The following CEP126 variants were observed in gnomAD, a reference collection of about 807,000 sequenced individuals.
The protein encoded by CEP126 is centrosomal protein 126, also known as centrosomal protein of 126 kDa.
A neutral mutation model predicts 107.8 loss-of-function variants in CEP126; 74 were observed. That is an observed-to-expected ratio of 0.69 (90% confidence interval 0.57 to 0.83). CEP126 has a LOEUF of 0.83. CEP126 is among the 40% of genes least tolerant of loss of function. The probability of loss-of-function intolerance (pLI) is 0.00; values close to 1 mark genes in which losing one functional copy is unlikely to be tolerated. For missense variants in CEP126, 1,237 were observed against 1,281.9 expected, an observed-to-expected ratio of 0.96 and a Z score of 0.53; for synonymous variants, 449 against 446.0, an observed-to-expected ratio of 1.01 and a Z score of -0.08.
intron 2 of CEP126, among the ~76,000 whole-genome samples, chr11:101,927,489 A>C (rs11225069): frequency 0.056 from 8,491 of 152,222 alleles, 460 homozygotes; most frequent in East Asian, 0.26. Context: ...ATATGTTTAC[A>C]GTCAAGAAAT....
chr11:101,977,585 C>T lies in CEP126; in HGVS notation c.2846-762C>T, dbSNP rs1455526964. The stretch of plus-strand genomic sequence containing the variant: ...GGCAGAGGTTGCAGTGAGCCGAGAT[C>T]GCACCACTGCACTCCAGCCTGGGTG... On this transcript the variant is annotated intron_variant, in intron 6 of 10. Transcript: ENST00000263468. Among the ~76,000 whole-genome samples, 15 of 144,882 alleles carry T rather than the reference C, an allele frequency of 1.0e-4. 1 individual carries two copies. The highest frequency in any genetic ancestry group is 4.2e-4 in the Admixed American group (6 of 14,284).
At chr11:101,919,746 C>T (rs534019091) in intron 1 of CEP126, among the ~76,000 whole-genome samples, 4 of 152,182 alleles carry the variant, frequency 2.6e-5, no homozygotes, top group African/African-American at 9.6e-5. Context: ...ACAAACATTA[C>T]ATTTGTGATT....
rs1489398123 is a variant in CEP126 at position 102,000,808 on chromosome 11, A to C, written c.*3165A>C. ...AGGGCAACTAATAACTGGTCAGAAAAATTTAGACGGTCTTCATTTTAAAAT... is the reference window on the plus strand; with the variant it reads ...AGGGCAACTAATAACTGGTCAGAAACATTTAGACGGTCTTCATTTTAAAAT... On this transcript the variant is annotated 3_prime_UTR_variant, in exon 11 of 11. Transcript: ENST00000263468. 2 of 152,198 alleles carry C rather than the reference A, an allele frequency of 1.3e-5. No homozygotes were observed. Among genetic ancestry groups the C allele is most frequent in the African/African-American group, 4.8e-5 (2 of 41,444 alleles). The allele number at this position is 152,198 out of a possible 1,614,324, so 9.4% of individuals were successfully genotyped here.
intron 6 of CEP126, among the ~76,000 whole-genome samples, chr11:101,975,634 T>C (rs974838912): frequency 2.0e-5 from 3 of 152,184 alleles, no homozygotes; most frequent in African/African-American, 7.2e-5. Context: ...GTTTGTTATA[T>C]AGGTAAATTG....
rs570718189 is a variant in CEP126, at chr11:101,943,508, T to C, written c.249-757T>C. 1.1e-4 allele frequency among the ~76,000 whole-genome samples: 16 copies of C among 151,792 alleles called. 1 individual carries two copies. In the East Asian group the frequency reaches 2.3e-3, roughly 22 times the overall value. ...GATTTGTAGGCTTGCCTTTTCTTTT[T>C]TTTTTTTTCATTTTCCAGCAAATAA... is the stretch of plus-strand genomic sequence containing the variant. On this transcript the variant is annotated intron_variant, in intron 2 of 10. Transcript: ENST00000263468.
Position 101,963,747 on chromosome 11 carries a change from A to T in CEP126, c.2712A>T (p.Thr904=). 3 of 1,614,140 alleles carry T rather than the reference A, an allele frequency of 1.9e-6. No homozygotes were observed. Among genetic ancestry groups the T allele is most frequent in the Non-Finnish European group, 2.5e-6 (3 of 1,180,016 alleles). Residue 904 remains threonine (T), a synonymous_variant, in exon 6 of 11, where the codon ACA becomes ACT. Transcript: ENST00000263468. ...GTQAVARQDA[T]LYCTQRSPVC... is the part of the protein sequence containing the mutation. Reference sequence around the variant, plus strand: ...AAGCAGTTGCCCGGCAAGATGCGACATTATATTGCACCCAAAGAAGTCCTG... The same window carrying T: ...AAGCAGTTGCCCGGCAAGATGCGACTTTATATTGCACCCAAAGAAGTCCTG...
In CEP126 at chr11:102,000,384, AAG is replaced by A. The variant is rs1172701035; in HGVS notation, c.*2748_*2749del. The A allele has an allele frequency of 1.3e-5, 2 of 152,064 alleles. No homozygotes were observed. The highest frequency in any genetic ancestry group is 2.4e-5 in the African/African-American group (1 of 41,416). 9.4% of individuals were successfully genotyped at this position (152,064 alleles called of 1,614,324 possible). A position where few individuals can be genotyped will look rare whatever the true frequency, so the allele number is the denominator to read the frequency against. ...TGGAAAAACTTATGAAACTTCTTATAAGAGAGAGTAATCTCAGGCCGGACATG... is the reference window on the plus strand; with the variant it reads ...TGGAAAAACTTATGAAACTTCTTATAAGAGAGTAATCTCAGGCCGGACATG... On this transcript the variant is annotated 3_prime_UTR_variant, in exon 11 of 11. Coordinates refer to ENST00000263468, the MANE Select transcript of CEP126 (RefSeq NM_020802.4).
chr11:101,979,363 C>T (rs79943006), intron 7 of CEP126, among the ~76,000 whole-genome samples: 1,661 of 152,230 alleles, frequency 0.011, 31 homozygotes, highest in African/African-American at 0.038. Context: ...AGAATATGCT[C>T]CTAATAACGG....
chr11:101,940,395 C>T (rs1458258787), intron 2 of CEP126, among the ~76,000 whole-genome samples: 1 of 152,286 alleles, frequency 6.6e-6, no homozygotes, highest in East Asian at 1.9e-4. Context: ...AATTTTTGTT[C>T]ATAAACATTT....
chr11:101,969,606 T>G (rs1941101719), intron 6 of CEP126, among the ~76,000 whole-genome samples: 1 of 152,184 alleles, frequency 6.6e-6, no homozygotes, highest in South Asian at 2.1e-4. Context: ...TCCAATAGGA[T>G]TTTTGTGAAA....
chr11:101,945,194 CAGGACATCA>C (rs931712881), intron 3 of CEP126, among the ~76,000 whole-genome samples: 20 of 152,238 alleles, frequency 1.3e-4, no homozygotes, highest in African/African-American at 4.8e-4. Flanking sequence ...AAACCTATGT[CAGGACATCA>C]AGGACATCAT....
rs1198610241 is a variant in CEP126 at position 101,956,671 on chromosome 11, C to G, written c.507-1497C>G. On this transcript the variant is annotated intron_variant, in intron 4 of 10. Transcript: ENST00000263468. ...CTCCTTCATCTATCCCTCTTTTTTC[C>G]TCTCCTTTGCATTCATCTTCCTCTC... 6 of 455,704 alleles carry G rather than the reference C, an allele frequency of 1.3e-5. No individual in the cohort carries two copies. In the Admixed American group the frequency reaches 1.4e-4, roughly 11 times the overall value. The allele number at this position is 455,704 out of a possible 1,614,324, so 28.2% of individuals were successfully genotyped here. A position where few individuals can be genotyped will look rare whatever the true frequency, so the allele number is the denominator to read the frequency against.
At chr11:101,994,121 A>C (rs1304313380) in intron 10 of CEP126, among the ~76,000 whole-genome samples, 1 of 152,122 alleles carries the variant, frequency 6.6e-6, no homozygotes, top group African/African-American at 2.4e-5. Flanking sequence ...TGTAGTCCCA[A>C]CTACTCAGGA....
At chr11:101,969,454 T>C (rs1004176891) in intron 6 of CEP126, among the ~76,000 whole-genome samples, 2 of 152,032 alleles carry the variant, frequency 1.3e-5, no homozygotes, top group Non-Finnish European at 2.9e-5. Context: ...GGTAGGGGTA[T>C]GGAAAAAAAA....
intron 2 of CEP126, among the ~76,000 whole-genome samples, chr11:101,924,438 CTGTG>C (rs34042050): frequency 1.0e-3 from 152 of 149,434 alleles, no homozygotes; most frequent in Non-Finnish European, 1.7e-3. Flanking sequence ...TGTTTTGGGG[CTGTG>C]TGTGTGTGTG....
At position 101,962,494 on chromosome 11, in the gene CEP126, G is replaced by T; in HGVS notation, c.1459G>T (p.Ala487Ser). The T allele has an allele frequency of 1.9e-6, 3 of 1,613,096 alleles. No individual in the cohort carries two copies. Among genetic ancestry groups the T allele is most frequent in the Non-Finnish European group, 2.5e-6 (3 of 1,179,686 alleles). Residue 487 changes from alanine (A) to serine (S), a missense_variant, in exon 6 of 11, where the codon GCA (alanine) becomes TCA (serine). By Grantham distance (99) the Ala-to-Ser change is moderately conservative. Around this residue, in one of 3 missense-constraint regions of CEP126, gnomAD observed 1,134 missense variants for 1,150.5 expected, o/e 0.99. Coordinates refer to ENST00000263468, the MANE Select transcript of CEP126 (RefSeq NM_020802.4). ...CAGTATACACATAAAAGAAATTGAT[G>T]CAGTGCAGTGTTCTGATAAGTTAGA... ...KNSIHIKEID[A>S]VQCSDKLDEL... is the part of the protein sequence containing the mutation.
At chr11:101,950,124 A>G (rs1363283110) in intron 4 of CEP126, among the ~76,000 whole-genome samples, 1 of 152,212 alleles carries the variant, frequency 6.6e-6, no homozygotes, top group Non-Finnish European at 1.5e-5. Flanking sequence ...TATCCAACAT[A>G]GAAACAATGG....
At chr11:101,935,135 G>A (rs544375194) in intron 2 of CEP126, among the ~76,000 whole-genome samples, 30 of 152,030 alleles carry the variant, frequency 2.0e-4, no homozygotes, top group African/African-American at 7.2e-4. Flanking sequence ...CCATTCATAA[G>A]TTTTTTAATG....
chr11:101,958,819 A>G (rs140522390), intron 5 of CEP126, among the ~76,000 whole-genome samples: 229 of 152,362 alleles, frequency 1.5e-3, no homozygotes, highest in African/African-American at 5.2e-3. Flanking sequence ...ATAAACCAAT[A>G]TAAGATTAAA....
Sources: allele counts gnomAD v4.1 joint callset (sites outside exome capture counted in the v4.1 genomes callset), GRCh38; gene constraint gnomAD v4.1.1; regional missense constraint gnomAD v4.1.1; transcripts MANE v1.5; gene names NCBI Gene and HGNC (gene_info 2026-07-23, HGNC 2026-07-21).